The following NCAM1 variants were observed in gnomAD, a reference collection of about 807,000 sequenced individuals.
NCAM1 encodes antigen recognized by monoclonal antibody 5.1H11.
NCAM1 carries 14 observed loss-of-function variants against 109.8 expected under a neutral mutation model. The observed-to-expected ratio is 0.13, with a 90% CI of 0.08 to 0.20. NCAM1 has a LOEUF of 0.20. Among genes scored for constraint, NCAM1 ranks in the 10% least tolerant of loss-of-function variants. NCAM1 has a pLI of 1.00. For missense variants in NCAM1, 774 were observed against 1,109.9 expected (o/e 0.70, Z 4.30); for synonymous variants, 418 against 442.9 (o/e 0.94, Z 0.70).
intron 1 of NCAM1, among the ~76,000 whole-genome samples, chr11:113,132,154 C>T (rs1242336183): frequency 6.6e-6 from 1 of 152,184 alleles, no homozygotes; most frequent in Non-Finnish European, 1.5e-5. Flanking sequence ...CCATGCTGGG[C>T]TTCGGTAAGG....
Position 113,012,729 on chromosome 11 carries a change from C to T in NCAM1, c.52+51065C>T, listed in dbSNP as rs951732735. Among the ~76,000 whole-genome samples the T allele has an allele frequency of 5.3e-5, 8 of 152,158 alleles. No individual in the cohort carries two copies. In the East Asian group the frequency reaches 5.8e-4, roughly 11 times the overall value. On this transcript the variant is annotated intron_variant, in intron 1 of 19. Coordinates refer to ENST00000316851, the MANE Select transcript of NCAM1 (RefSeq NM_181351.5). The stretch of plus-strand genomic sequence containing the variant: ...GTGTCTTCACATGGCCTTATAAGGA[C>T]GCCAGTCATTGAGTTTAGTCCCCAA...
chr11:113,116,933 G>A lies in NCAM1; in HGVS notation c.53-85446G>A, dbSNP rs189062820. Among the ~76,000 whole-genome samples the A allele has an allele frequency of 2.4e-4, 37 of 151,812 alleles. 1 individual carries two copies. The highest frequency in any genetic ancestry group is 3.4e-3 in the Middle Eastern group (1 of 294). The stretch of plus-strand genomic sequence containing the variant: ...TAAAATATGCCTCTTTATGAATATC[G>A]AAGATTAAATGTTCTGTAGTTGGTG... On this transcript the variant is annotated intron_variant, in intron 1 of 19. Transcript: ENST00000316851.
In NCAM1 at chr11:113,185,079, T is replaced by TATATATATAGAGAGAG; in HGVS notation, c.53-17299_53-17298insTATATATAGAGAGAGA. On this transcript the variant is annotated intron_variant, in intron 1 of 19. Coordinates refer to ENST00000316851, the MANE Select transcript of NCAM1 (RefSeq NM_181351.5). ...GTGTGCATTTATATTTATATATATATAGAGAGAGAGAGAGAGAGAGAGAGA... is the reference window on the plus strand; with the variant it reads ...GTGTGCATTTATATTTATATATATATATATATATAGAGAGAGAGAGAGAGAGAGAGAGAGAGAGAGA... Among the ~76,000 whole-genome samples, 11 of 125,732 alleles carry TATATATATAGAGAGAG rather than the reference T, an allele frequency of 8.7e-5. 1 individual carries two copies. The highest frequency in any genetic ancestry group is 5.8e-4 in the East Asian group (2 of 3,476). 82.5% of individuals were successfully genotyped at this position (125,732 alleles called of 152,430 possible).
At chr11:113,079,521 G>A (rs1555086786) in intron 1 of NCAM1, among the ~76,000 whole-genome samples, 1 of 152,198 alleles carries the variant, frequency 6.6e-6, no homozygotes, top group Non-Finnish European at 1.5e-5. Context: ...ATTAGTAACA[G>A]ACTAAAAAGT....
chr11:113,192,389 A>G (rs1943707470), intron 1 of NCAM1, among the ~76,000 whole-genome samples: 2 of 148,388 alleles, frequency 1.3e-5, no homozygotes, highest in African/African-American at 5.0e-5. Context: ...CTGGCCCGCA[A>G]TAAGGGTCTG....
chr11:113,200,664 C>G (rs935468553), intron 1 of NCAM1, among the ~76,000 whole-genome samples: 2 of 152,112 alleles, frequency 1.3e-5, no homozygotes. Context: ...ATGTCTGAGA[C>G]CCCTTTGGGC....
intron 1 of NCAM1, among the ~76,000 whole-genome samples, chr11:113,082,653 CA>C (rs2135691193): frequency 6.6e-6 from 1 of 152,286 alleles, no homozygotes; most frequent in East Asian, 1.9e-4. Context: ...ATAAAAACAA[CA>C]AAGGCAAGAA....
chr11:113,244,545 G>T (rs1945439239), intron 14 of NCAM1, among the ~76,000 whole-genome samples: 1 of 152,160 alleles, frequency 6.6e-6, no homozygotes, highest in Non-Finnish European at 1.5e-5. Context: ...CATGTGAATT[G>T]CAGTGGAACT....
At chr11:113,044,813 G>A (rs1555080517) in intron 1 of NCAM1, among the ~76,000 whole-genome samples, 1 of 152,004 alleles carries the variant, frequency 6.6e-6, no homozygotes, top group Non-Finnish European at 1.5e-5. Context: ...GAGTGCAGTG[G>A]CGCGATCTCG....
chr11:113,071,615 C>T (rs1171012542), intron 1 of NCAM1, among the ~76,000 whole-genome samples: 2 of 151,856 alleles, frequency 1.3e-5, no homozygotes, highest in Admixed American at 6.6e-5. Context: ...TTAGTAGAGA[C>T]GGGGTTTCAC....
chr11:113,006,146 A>G (rs1555073287), intron 1 of NCAM1, among the ~76,000 whole-genome samples: 1 of 152,232 alleles, frequency 6.6e-6, no homozygotes, highest in Admixed American at 6.5e-5. Flanking sequence ...ATAAAATGTC[A>G]TTCTAAAATG....
At chr11:112,975,005 T>C (rs1280098969) in intron 1 of NCAM1, among the ~76,000 whole-genome samples, 1 of 151,970 alleles carries the variant, frequency 6.6e-6, no homozygotes, top group Non-Finnish European at 1.5e-5. Flanking sequence ...CGTTTTAGGG[T>C]AGGATCGTTG....
intron 14 of NCAM1, chr11:113,236,289 T>C (rs1555118257): frequency 2.5e-6 from 4 of 1,613,692 alleles, no homozygotes; most frequent in Middle Eastern, 1.7e-4. Context: ...GTTCCATCCA[T>C]GGGAAATGCA....
intron 17 of NCAM1, among the ~76,000 whole-genome samples, chr11:113,269,087 AT>A (rs1413198634): frequency 6.6e-6 from 1 of 152,170 alleles, no homozygotes; most frequent in Non-Finnish European, 1.5e-5. Flanking sequence ...AGAGCTCCAC[AT>A]GGGTCCTTGC....
chr11:113,046,710 GAAGA>G (rs1181075888), intron 1 of NCAM1, among the ~76,000 whole-genome samples: 3 of 151,350 alleles, frequency 2.0e-5, no homozygotes, highest in Non-Finnish European at 4.4e-5. Context: ...AGATGAACAG[GAAGA>G]AAGAAAGGAA....
chr11:113,111,788 ACT>A (rs782452383), intron 1 of NCAM1, among the ~76,000 whole-genome samples: 1 of 152,074 alleles, frequency 6.6e-6, no homozygotes, highest in Admixed American at 6.6e-5. Context: ...TAAAAGAGAG[ACT>A]CTGTCTTGTA....
intron 1 of NCAM1, among the ~76,000 whole-genome samples, chr11:113,158,326 G>T (rs919526705): frequency 1.3e-5 from 2 of 152,146 alleles, no homozygotes; most frequent in Non-Finnish European, 2.9e-5. Context: ...CCCAAGTCTG[G>T]ATAACTTTGT....
At chr11:113,245,679 G>T (rs1555120052) in intron 14 of NCAM1, among the ~76,000 whole-genome samples, 2 of 152,098 alleles carry the variant, frequency 1.3e-5, no homozygotes, top group East Asian at 3.9e-4. Flanking sequence ...AGTGAGATAA[G>T]ATCCTCAAAG....
chr11:113,214,311 T>A, intron 7 of NCAM1, 58 bp from the exon 8 acceptor site: 3 of 1,581,808 alleles, frequency 1.9e-6, no homozygotes. Context: ...CATGCCATCA[T>A]TTAAACCCAG....
Sources: allele counts gnomAD v4.1 joint callset (sites outside exome capture counted in the v4.1 genomes callset), GRCh38; gene constraint gnomAD v4.1.1; transcripts MANE v1.5; gene names NCBI Gene and HGNC (gene_info 2026-07-23, HGNC 2026-07-21).